KIF18A: variants seen among roughly 807,000 people sequenced by gnomAD.
KIF18A encodes kinesin family member 18A, also known as kinesin-like protein KIF18A.
In KIF18A, 67 loss-of-function variants were observed where a neutral mutation model predicts 103.3. The observed-to-expected ratio is 0.65, with a 90% CI of 0.53 to 0.79. The LOEUF (loss-of-function observed/expected upper bound fraction) is 0.79. Among genes scored for constraint, KIF18A ranks in the 30% least tolerant of loss-of-function variants. KIF18A has a pLI of 0.00. For missense variants in KIF18A, 1,032 were observed against 1,062.5 expected, an observed-to-expected ratio of 0.97 and a Z score of 0.40; for synonymous variants, 367 against 355.5, an observed-to-expected ratio of 1.03 and a Z score of -0.36.
chr11:28,056,288 GAAT>G (rs1227002897), intron 13 of KIF18A, among the ~76,000 whole-genome samples: 1 of 149,452 alleles, frequency 6.7e-6, no homozygotes, highest in Non-Finnish European at 1.5e-5. Flanking sequence ...CTATAAAAAA[GAAT>G]AAAATGGAAA....
Position 28,077,127 on chromosome 11 carries a change from T to G in KIF18A, c.1305A>C (p.Glu435Asp), listed in dbSNP as rs748916258. 1 of 1,576,706 alleles carries G rather than the reference T, an allele frequency of 6.3e-7. No homozygotes were observed. The highest frequency in any genetic ancestry group is 1.4e-5 in the African/African-American group (1 of 72,050). ...ILNCLFQNRE[E>D]IRQEYLKLEM... is the part of the protein sequence containing the mutation. ...CCAACTTCAGATATTCTTGTCTAATTTCTTCTCGATTCTGGAACAAGCAGT... is the reference window on the plus strand; with the variant it reads ...CCAACTTCAGATATTCTTGTCTAATGTCTTCTCGATTCTGGAACAAGCAGT... Residue 435 changes from glutamate (E) to aspartate (D), a missense_variant, in exon 10 of 17, where the codon GAA becomes GAC. Coordinates refer to ENST00000263181, the MANE Select transcript of KIF18A (RefSeq NM_031217.4).
intron 13 of KIF18A, among the ~76,000 whole-genome samples, chr11:28,039,893 CT>C (rs1850537880): frequency 6.6e-6 from 1 of 151,672 alleles, no homozygotes. Context: ...CTAAAGAGTT[CT>C]TTTCATTCTC....
At chr11:28,069,803 A>G (rs1850987901) in intron 10 of KIF18A, among the ~76,000 whole-genome samples, 1 of 152,076 alleles carries the variant, frequency 6.6e-6, no homozygotes, top group Non-Finnish European at 1.5e-5. Context: ...AAGCAGATGC[A>G]TATATTGCTC....
In KIF18A at chr11:28,023,836, C is replaced by T; in HGVS notation, c.2519G>A (p.Ser840Asn). ...KRKLTSSTSN[S>N]SLTADVNSGF... ...AGAATTTACGTCTGCAGTTAACGAA[C>T]TGTTTGATGTAGAACTTGAGAGGAA... is the stretch of plus-strand genomic sequence containing the variant. The change falls in exon 16 of 17, where the codon AGT becomes AAT. Residue 840 changes from serine to asparagine, a missense_variant. Ser to Asn is a conservative substitution (Grantham distance 46). Coordinates refer to ENST00000263181, the MANE Select transcript of KIF18A (RefSeq NM_031217.4). 4 of 1,608,758 alleles carry T rather than the reference C, an allele frequency of 2.5e-6. No individual in the cohort carries two copies. Among genetic ancestry groups the T allele is most frequent in the Non-Finnish European group, 3.4e-6 (4 of 1,176,008 alleles).
intron 13 of KIF18A, among the ~76,000 whole-genome samples, chr11:28,048,688 A>G (rs1038202050): frequency 5.3e-5 from 8 of 152,180 alleles, no homozygotes; most frequent in Admixed American, 3.9e-4. Context: ...AACAAGGTTA[A>G]AACACTAGTG....
At chr11:28,080,650 C>T (rs143136630) in intron 9 of KIF18A, among the ~76,000 whole-genome samples, 3 of 152,206 alleles carry the variant, frequency 2.0e-5, no homozygotes, top group East Asian at 1.9e-4. Flanking sequence ...TACCTCTCCT[C>T]AGCCCTCCCT....
chr11:28,070,195 T>C (rs1208898409), intron 10 of KIF18A, among the ~76,000 whole-genome samples: 2 of 152,062 alleles, frequency 1.3e-5, no homozygotes, highest in African/African-American at 4.8e-5. Flanking sequence ...TTGCAGCTGG[T>C]TCTGGAAGCA....
chr11:28,037,134 G>T (rs575760568), intron 13 of KIF18A, among the ~76,000 whole-genome samples: 1 of 151,608 alleles, frequency 6.6e-6, no homozygotes, highest in South Asian at 2.1e-4. Context: ...GTACAGGTTT[G>T]TTATATGAGT....
chr11:28,080,708 G>A (rs887780806), intron 9 of KIF18A, among the ~76,000 whole-genome samples: 1 of 152,004 alleles, frequency 6.6e-6, no homozygotes, highest in Non-Finnish European at 1.5e-5. Flanking sequence ...CCCTAAAATG[G>A]CCTCCAAGTG....
intron 11 of KIF18A, among the ~76,000 whole-genome samples, chr11:28,066,203 C>T (rs560683974): frequency 6.6e-6 from 1 of 151,958 alleles, no homozygotes; most frequent in South Asian, 2.1e-4. Context: ...TATACAGTCT[C>T]CAAATAAACT....
intron 10 of KIF18A, chr11:28,076,364 C>T (rs907273833): frequency 6.6e-6 from 1 of 152,162 alleles, no homozygotes; most frequent in Non-Finnish European, 1.5e-5. Context: ...GGATAGACTG[C>T]TTCTATTGCT....
At chr11:28,081,845 T>C (rs1402867287) in intron 9 of KIF18A, among the ~76,000 whole-genome samples, 1 of 152,176 alleles carries the variant, frequency 6.6e-6, no homozygotes, top group African/African-American at 2.4e-5. Context: ...GAATTTGCCA[T>C]TGTAGATGCC....
chr11:28,077,262 A>G, intron 9 of KIF18A, 93 bp from the exon 10 acceptor site: 1 of 829,946 alleles, frequency 1.2e-6, no homozygotes, highest in Non-Finnish European at 1.9e-6. Context: ...AAAGGAATAT[A>G]TGTAATTCAC....
chr11:28,096,008 C>CAAAAAAAAA (rs752176368), intron 2 of KIF18A, among the ~76,000 whole-genome samples: 2 of 73,750 alleles, frequency 2.7e-5, no homozygotes, highest in African/African-American at 5.7e-5. Context: ...AAGACTTCAT[C>CAAAAAAAAA]AAAAAAAAAA....
intron 13 of KIF18A, among the ~76,000 whole-genome samples, chr11:28,052,469 G>A (rs1201816550): frequency 7.4e-6 from 1 of 135,522 alleles, no homozygotes; most frequent in Admixed American, 7.1e-5. Flanking sequence ...CTATGTTAGA[G>A]ATTTTGCACT....
chr11:28,047,078 A>G (rs926044431), intron 13 of KIF18A, among the ~76,000 whole-genome samples: 1 of 149,450 alleles, frequency 6.7e-6, no homozygotes, highest in African/African-American at 2.4e-5. Context: ...AAAAAAAAAA[A>G]GAGAAAGAAA....
intron 13 of KIF18A, among the ~76,000 whole-genome samples, chr11:28,050,770 G>C (rs1850701871): frequency 6.6e-6 from 1 of 151,740 alleles, no homozygotes; most frequent in African/African-American, 2.4e-5. Flanking sequence ...CACTTAGTGA[G>C]TGTGCTATCT....
intron 1 of KIF18A, among the ~76,000 whole-genome samples, chr11:28,105,839 T>A (rs1236069106): frequency 2.0e-5 from 3 of 152,202 alleles, no homozygotes; most frequent in Non-Finnish European, 4.4e-5. Flanking sequence ...TTCATTTGAG[T>A]ATGTACACTC....
chr11:28,043,915 A>C (rs1311065310), intron 13 of KIF18A, among the ~76,000 whole-genome samples: 1 of 60 alleles, frequency 0.017, no homozygotes, highest in Non-Finnish European at 0.062. Context: ...TAAATGACCA[A>C]AAAAAAAAAG....
Sources: gnomAD v4.1 joint callset for allele counts (sites outside exome capture counted in the v4.1 genomes callset) on GRCh38, gnomAD v4.1.1 for gene constraint, MANE v1.5 for transcripts, NCBI Gene and HGNC (gene_info 2026-07-23, HGNC 2026-07-21) for gene names.